Variants in DPYSL3 observed in about 807,000 individuals in gnomAD.
DPYSL3 encodes dihydropyrimidinase-related protein 3.
DPYSL3 carries 16 observed loss-of-function variants against 66.1 expected under a neutral mutation model. That is an observed-to-expected ratio of 0.24 (90% CI 0.16 to 0.37). DPYSL3 has a LOEUF of 0.37. DPYSL3 is among the 10% of genes least tolerant of loss of function. The pLI is 1.00. For synonymous variants in DPYSL3, 338 were observed against 345.1 expected, an observed-to-expected ratio of 0.98 and a Z score of 0.23; for missense variants, 738 against 916.2, an observed-to-expected ratio of 0.81 and a Z score of 2.51.
chr5:147,484,278 G>A (rs949172389), intron 1 of DPYSL3, among the ~76,000 whole-genome samples: 6 of 152,128 alleles, frequency 3.9e-5, no homozygotes, highest in Non-Finnish European at 8.8e-5. Context: ...TTTATGTCTC[G>A]CTGAGGGCTT....
At chr5:147,410,803 A>T (rs923170200) in intron 6 of DPYSL3, among the ~76,000 whole-genome samples, 5 of 152,172 alleles carry the variant, frequency 3.3e-5, no homozygotes, top group Non-Finnish European at 5.9e-5. Context: ...TCATTTAAAC[A>T]ATGTGATAAA....
chr5:147,397,871 C>T (rs755338895), intron 11 of DPYSL3, 26 bp from the exon 12 acceptor site: 2 of 1,514,114 alleles, frequency 1.3e-6, no homozygotes, highest in Non-Finnish European at 1.8e-6. Context: ...AGAAGCAAAG[C>T]CACAGTAAGG....
At chr5:147,485,606 A>G (rs1213608624) in intron 1 of DPYSL3, among the ~76,000 whole-genome samples, 1 of 152,238 alleles carries the variant, frequency 6.6e-6, no homozygotes, top group Non-Finnish European at 1.5e-5. Flanking sequence ...ATTATGCAGC[A>G]GAGAAATTTA....
chr5:147,426,659 G>A lies in DPYSL3; in HGVS notation c.382-1696C>T, dbSNP rs150919398. ...GATTCTGTAGCCCCTGTTTGAGAAC[G>A]TCAGCTTTCAAAGAGGATATAAAGT... On this transcript the variant is annotated intron_variant, in intron 1 of 13. Transcript: ENST00000343218. Among the ~76,000 whole-genome samples, 1,338 of 152,212 alleles carry A rather than the reference G, an allele frequency of 8.8e-3. 8 individuals carry two copies. Among genetic ancestry groups the A allele is most frequent in the Non-Finnish European group, 0.014 (934 of 68,014 alleles).
intron 1 of DPYSL3, among the ~76,000 whole-genome samples, chr5:147,443,040 A>G (rs1332919021): frequency 3.9e-5 from 6 of 152,236 alleles, no homozygotes; most frequent in African/African-American, 1.4e-4. Context: ...AACAGATAGT[A>G]GCAAAAACAC....
At chr5:147,439,428 C>T (rs1323476044) in intron 1 of DPYSL3, among the ~76,000 whole-genome samples, 1 of 151,620 alleles carries the variant, frequency 6.6e-6, no homozygotes, top group Non-Finnish European at 1.5e-5. Context: ...ATGAAAGTGT[C>T]ATAATGGGAG....
At chr5:147,416,839 G>A (rs1350434053) in intron 3 of DPYSL3, among the ~76,000 whole-genome samples, 2 of 152,130 alleles carry the variant, frequency 1.3e-5, no homozygotes, top group African/African-American at 4.8e-5. Context: ...GAGAAGTTAG[G>A]TTAAATACAT....
rs1803521 is a variant in DPYSL3 at position 147,395,633 on chromosome 5, C to A, written c.1892G>T (p.Gly631Val). Residue 631 changes from glycine to valine, a missense_variant, in exon 13 of 14, where the codon GGC (glycine) becomes GTC (valine). Gly to Val is a moderately radical substitution (Grantham distance 109). Transcript: ENST00000343218. Reference sequence around the variant, plus strand: ...CCGAGTAGGAGAGCCCCGAGCAGAGCCTGCGGGGGTGCCACCTTTGGGGGT... The same window carrying A: ...CCGAGTAGGAGAGCCCCGAGCAGAGACTGCGGGGGTGCCACCTTTGGGGGT... Reference protein sequence around the residue: ...TTTPKGGTPAGSARGSPTRPN... With the variant: ...TTTPKGGTPAVSARGSPTRPN... 1 of 1,614,112 alleles carries A rather than the reference C, an allele frequency of 6.2e-7. No homozygotes were observed. Among genetic ancestry groups the A allele is most frequent in the South Asian group, 1.1e-5 (1 of 91,070 alleles).
Position 147,509,346 on chromosome 5 carries a change from G to T in DPYSL3, c.381+132C>A. On this transcript the variant is annotated intron_variant, in intron 1 of 13. Transcript: ENST00000343218. This position sits in a 1 kb window ranked among gnomAD's most constrained non-coding sequence, Gnocchi z 5.3. ...GGAAGTCGCGCTACGCTCAGTGGAG[G>T]ATGACCCTTTCCTCCTCCTTGTCCC... 1 of 1,243,090 alleles carries T rather than the reference G, an allele frequency of 8.0e-7. No homozygotes were observed. Among genetic ancestry groups the T allele is most frequent in the Non-Finnish European group, 1.1e-6 (1 of 927,996 alleles). The allele number at this position is 1,243,090 out of a possible 1,614,324, so 77.0% of individuals were successfully genotyped here.
At position 147,509,333 on chromosome 5, in the gene DPYSL3, A is replaced by G. The variant is rs1027969489; in HGVS notation, c.381+145T>C. 8.7e-7 allele frequency: 1 copy of G among 1,151,368 alleles called. No homozygotes were observed. Among genetic ancestry groups the G allele is most frequent in the Non-Finnish European group, 1.2e-6 (1 of 847,876 alleles). The allele number at this position is 1,151,368 out of a possible 1,614,324, so 71.3% of individuals were successfully genotyped here. ...AGGGTCTGGGCTAGGAAGTCGCGCTACGCTCAGTGGAGGATGACCCTTTCC... is the reference window on the plus strand; with the variant it reads ...AGGGTCTGGGCTAGGAAGTCGCGCTGCGCTCAGTGGAGGATGACCCTTTCC... On this transcript the variant is annotated intron_variant, in intron 1 of 13. Coordinates refer to ENST00000343218, the MANE Select transcript of DPYSL3 (RefSeq NM_001197294.2). This position sits in a 1 kb window ranked among gnomAD's most constrained non-coding sequence, Gnocchi z 5.3.
intron 6 of DPYSL3, among the ~76,000 whole-genome samples, chr5:147,412,018 T>G (rs1439185591): frequency 6.6e-6 from 1 of 152,176 alleles, no homozygotes; most frequent in Non-Finnish European, 1.5e-5. Context: ...ATCTATTCCA[T>G]TAAGCAGCCC....
At chr5:147,486,942 C>T (rs28678022) in intron 1 of DPYSL3, among the ~76,000 whole-genome samples, 54,339 of 151,954 alleles carry the variant, frequency 0.36, 10,093 homozygotes, top group Non-Finnish European at 0.36. Context: ...TATCTCAACC[C>T]CCAAACTCTA....
chr5:147,400,917 G>T, intron 9 of DPYSL3, 84 bp from the exon 10 acceptor site: 1 of 1,514,714 alleles, frequency 6.6e-7, no homozygotes. Context: ...TTACTGTGAG[G>T]GTTTGCACTC....
At chr5:147,468,507 C>T (rs1753041168) in intron 1 of DPYSL3, among the ~76,000 whole-genome samples, 1 of 152,116 alleles carries the variant, frequency 6.6e-6, no homozygotes, top group Non-Finnish European at 1.5e-5. Flanking sequence ...TGTCCCCTGA[C>T]TAAAAACCTG....
chr5:147,508,897 G>A (rs1753717486), intron 1 of DPYSL3, among the ~76,000 whole-genome samples: 1 of 152,116 alleles, frequency 6.6e-6, no homozygotes, highest in Non-Finnish European at 1.5e-5. Flanking sequence ...TAAGACACAA[G>A]CGAGGCATAG....
At chr5:147,432,773 T>A (rs1412479907) in intron 1 of DPYSL3, among the ~76,000 whole-genome samples, 1 of 152,202 alleles carries the variant, frequency 6.6e-6, no homozygotes, top group East Asian at 1.9e-4. Flanking sequence ...CTTAATATTA[T>A]CCTTATATAA....
chr5:147,399,915 A>G (rs1758119773), intron 10 of DPYSL3, among the ~76,000 whole-genome samples: 3 of 152,224 alleles, frequency 2.0e-5, no homozygotes, highest in Admixed American at 2.0e-4. Flanking sequence ...CTCTTTTCAA[A>G]CCAAAAAGCC....
At chr5:147,472,927 C>G (rs542966993) in intron 1 of DPYSL3, 1 of 152,292 alleles carries the variant, frequency 6.6e-6, no homozygotes, top group East Asian at 1.9e-4. Flanking sequence ...CTCATCTCTG[C>G]AACATCTTCC....
intron 1 of DPYSL3, among the ~76,000 whole-genome samples, chr5:147,501,126 C>G (rs1218799626): frequency 6.6e-6 from 1 of 152,068 alleles, no homozygotes; most frequent in African/African-American, 2.4e-5. Context: ...AAATATTCAG[C>G]AAGAAAAAGA....
Sources: gnomAD v4.1 joint callset for allele counts (sites outside exome capture counted in the v4.1 genomes callset) on GRCh38, gnomAD v4.1.1 for gene constraint, Gnocchi (gnomAD v3.1) non-coding constraint, MANE v1.5 for transcripts, NCBI Gene and HGNC (gene_info 2026-07-23, HGNC 2026-07-21) for gene names.